The following PPP1R21 variants were observed in gnomAD, a reference collection of about 807,000 sequenced individuals.
PPP1R21 encodes protein phosphatase 1 regulatory subunit 21.
A neutral mutation model predicts 112.8 loss-of-function variants in PPP1R21; 85 were observed. The observed-to-expected ratio is 0.75, with a 90% CI of 0.63 to 0.90. The LOEUF (loss-of-function observed/expected upper bound fraction) is 0.90. PPP1R21 is among the 40% of genes least tolerant of loss of function. The pLI, the probability that PPP1R21 is intolerant of heterozygous loss-of-function variation, is 0.00. For missense variants in PPP1R21, 1,199 were observed against 901.5 expected, an observed-to-expected ratio of 1.33 and a Z score of -4.23; for synonymous variants, 381 against 322.3, an observed-to-expected ratio of 1.18 and a Z score of -1.95.
At chr2:48,441,064 C>A (rs759896740) in intron 1 of PPP1R21, 54 bp downstream of exon 1, 2 of 1,338,064 alleles carry the variant, frequency 1.5e-6, no homozygotes, top group Non-Finnish European at 2.1e-6. Context: ...CCTCAGGTTG[C>A]CGTGGCAGCG....
chr2:48,478,988 A>T (rs1668882964), intron 12 of PPP1R21, among the ~76,000 whole-genome samples: 1 of 152,136 alleles, frequency 6.6e-6, no homozygotes, highest in Non-Finnish European at 1.5e-5. Flanking sequence ...CCTTGTTAGA[A>T]ACTGCGCCCT....
chr2:48,503,304 A>T (rs1670211406), intron 17 of PPP1R21, among the ~76,000 whole-genome samples: 1 of 152,218 alleles, frequency 6.6e-6, no homozygotes, highest in Non-Finnish European at 1.5e-5. Flanking sequence ...AAAATTTCAA[A>T]TCTTTTAGCA....
At chr2:48,461,330 T>C (rs948509330) in intron 7 of PPP1R21, 98 bp downstream of exon 7, 2 of 1,361,398 alleles carry the variant, frequency 1.5e-6, no homozygotes, top group Non-Finnish European at 1.9e-6. Flanking sequence ...GCAAAAAATT[T>C]AATTGGCCCC....
chr2:48,454,787 C>G (rs1667646272), intron 3 of PPP1R21, 46 bp downstream of exon 3: 1 of 1,447,454 alleles, frequency 6.9e-7, no homozygotes, highest in Non-Finnish European at 9.7e-7. Context: ...TCGTTAGTTA[C>G]TGACACCTAC....
intron 21 of PPP1R21, among the ~76,000 whole-genome samples, chr2:48,512,611 C>T (rs913913158): frequency 7.2e-5 from 11 of 152,136 alleles, no homozygotes; most frequent in Non-Finnish European, 1.0e-4. Context: ...TTGGAAAATA[C>T]GTCATGTTAA....
At chr2:48,493,354 C>T (rs1037422670) in intron 15 of PPP1R21, among the ~76,000 whole-genome samples, 1 of 152,110 alleles carries the variant, frequency 6.6e-6, no homozygotes, top group Admixed American at 6.6e-5. Flanking sequence ...AGAGCTGTCT[C>T]TGTATTAAGA....
At chr2:48,496,973 G>A (rs984857886) in intron 16 of PPP1R21, among the ~76,000 whole-genome samples, 2 of 152,192 alleles carry the variant, frequency 1.3e-5, no homozygotes, top group African/African-American at 4.8e-5. Context: ...CTCTTCATCT[G>A]TATCCTTGGT....
chr2:48,499,564 G>T (rs1670007002), intron 17 of PPP1R21, among the ~76,000 whole-genome samples: 1 of 152,142 alleles, frequency 6.6e-6, no homozygotes, highest in East Asian at 1.9e-4. Context: ...TCTACCAAAA[G>T]TAAAATAAAA....
At chr2:48,472,300 A>G (rs1161114345) in intron 11 of PPP1R21, among the ~76,000 whole-genome samples, 5 of 151,084 alleles carry the variant, frequency 3.3e-5, no homozygotes, top group Non-Finnish European at 5.9e-5. Context: ...ACATGAGAGA[A>G]ATAATATTTT....
intron 21 of PPP1R21, among the ~76,000 whole-genome samples, chr2:48,513,077 A>G (rs763356613): frequency 6.6e-6 from 1 of 152,178 alleles, no homozygotes; most frequent in Non-Finnish European, 1.5e-5. Context: ...AAACTTTTCA[A>G]TCTCTGGAAC....
intron 11 of PPP1R21, 143 bp downstream of exon 11, chr2:48,471,510 GA>G: frequency 1.3e-6 from 1 of 772,042 alleles, no homozygotes; most frequent in Non-Finnish European, 2.0e-6. Flanking sequence ...CGTGAAAAAG[GA>G]AAAGCATGGT....
intron 17 of PPP1R21, among the ~76,000 whole-genome samples, chr2:48,504,459 G>T (rs1032985388): frequency 1.3e-5 from 2 of 152,160 alleles, no homozygotes; most frequent in African/African-American, 2.4e-5. Flanking sequence ...TGGCCAACAT[G>T]GTGAAACCTG....
At chr2:48,484,161 T>C (rs1669167801) in intron 13 of PPP1R21, among the ~76,000 whole-genome samples, 1 of 152,182 alleles carries the variant, frequency 6.6e-6, no homozygotes, top group African/African-American at 2.4e-5. Flanking sequence ...GGGTTTGCCA[T>C]GCAGAGATCT....
At chr2:48,443,679 C>A (rs758520784) in intron 1 of PPP1R21, among the ~76,000 whole-genome samples, 7 of 152,170 alleles carry the variant, frequency 4.6e-5, no homozygotes, top group Admixed American at 3.9e-4. Flanking sequence ...GAGAACAGAT[C>A]CTGATCAAAA....
At chr2:48,446,058 T>A (rs1483632040) in intron 1 of PPP1R21, among the ~76,000 whole-genome samples, 1 of 152,174 alleles carries the variant, frequency 6.6e-6, no homozygotes, top group Non-Finnish European at 1.5e-5. Flanking sequence ...AAAGACTGTA[T>A]GTTTAAAAGT....
intron 17 of PPP1R21, among the ~76,000 whole-genome samples, chr2:48,502,637 A>C (rs946082594): frequency 6.8e-6 from 1 of 147,690 alleles, no homozygotes; most frequent in Non-Finnish European, 1.5e-5. Flanking sequence ...TGGTTCAGTC[A>C]CTTTGAGGCA....
chr2:48,472,664 A>G (rs961197084), intron 11 of PPP1R21, among the ~76,000 whole-genome samples: 3 of 151,992 alleles, frequency 2.0e-5, no homozygotes, highest in East Asian at 3.9e-4. Flanking sequence ...GATACTGAAA[A>G]TAGGCCAGGC....
chr2:48,501,113 T>G (rs1431311535), intron 17 of PPP1R21, among the ~76,000 whole-genome samples: 1 of 152,156 alleles, frequency 6.6e-6, no homozygotes, highest in East Asian at 1.9e-4. Flanking sequence ...TTTACCTCCA[T>G]ATCAGTGGTT....
chr2:48,459,091 C>CAAA (rs747369228), intron 4 of PPP1R21, among the ~76,000 whole-genome samples: 18 of 55,206 alleles, frequency 3.3e-4, no homozygotes, highest in Middle Eastern at 0.012. Context: ...GACTCTGTCT[C>CAAA]AAAAAAAAAA....
Sources: gnomAD v4.1 joint callset for allele counts (sites outside exome capture counted in the v4.1 genomes callset) on GRCh38, gnomAD v4.1.1 for gene constraint, MANE v1.5 for transcripts, NCBI Gene and HGNC (gene_info 2026-07-23, HGNC 2026-07-21) for gene names.